The following CNTN6 variants were observed in gnomAD, a reference collection of about 807,000 sequenced individuals.
CNTN6 encodes the protein contactin 6.
A neutral mutation model predicts 122.8 loss-of-function variants in CNTN6; 137 were observed. That is an observed-to-expected ratio of 1.12 (90% CI 0.97 to 1.29). CNTN6 has a LOEUF of 1.29. Among genes scored for constraint, CNTN6 ranks in the 50% most tolerant of loss-of-function variants. CNTN6 has a pLI of 0.00. For missense variants in CNTN6, 1,634 were observed against 1,223.4 expected (o/e 1.34, Z -5.01); for synonymous variants, 570 against 426.0 (o/e 1.34, Z -4.16).
intron 8 of CNTN6, among the ~76,000 whole-genome samples, chr3:1,323,779 T>C (rs1701178516): frequency 6.6e-6 from 1 of 151,792 alleles, no homozygotes; most frequent in African/African-American, 2.4e-5. Flanking sequence ...CAAACCTGTA[T>C]GGTAGACCCA....
rs746452845 is a variant in CNTN6, at chr3:1,373,919, T to C, written c.1946-5T>C. The C allele has an allele frequency of 1.2e-6, 2 of 1,607,564 alleles. No homozygotes were observed. Among genetic ancestry groups the C allele is most frequent in the Non-Finnish European group, 1.7e-6 (2 of 1,176,138 alleles). On this transcript the variant is annotated splice_polypyrimidine_tract_variant and splice_region_variant and intron_variant, in intron 15 of 22. Transcript: ENST00000446702. ...CTAGGTGCCTTAGTGTCTCATTCTT[T>C]TTAGTTCCAGAAATTCTCAATGGTA...
At chr3:1,384,666 CTATATATATA>C (rs539955358) in intron 19 of CNTN6, among the ~76,000 whole-genome samples, 29 of 113,556 alleles carry the variant, frequency 2.6e-4, no homozygotes, top group Admixed American at 7.2e-4. Context: ...TTAATTTTGC[CTATATATATA>C]TATATATATA....
At chr3:1,385,830 C>CATCT in intron 20 of CNTN6, 33 bp downstream of exon 20, 1 of 1,552,784 alleles carries the variant, frequency 6.4e-7, no homozygotes, top group African/African-American at 1.4e-5. Flanking sequence ...AAACAAGATT[C>CATCT]ATCTGTGAAG....
chr3:1,317,738 C>T (rs62230962), intron 7 of CNTN6, among the ~76,000 whole-genome samples: 51,720 of 151,200 alleles, frequency 0.34, 9,414 homozygotes, highest in East Asian at 0.69. Flanking sequence ...TCTTCATCCC[C>T]GTGTTTGTCT....
rs531980062 is a variant in CNTN6, at chr3:1,168,170, A to T, written c.55+20107A>T. 2.6e-4 allele frequency among the ~76,000 whole-genome samples: 40 copies of T among 152,106 alleles called. No individual in the cohort carries two copies. In the South Asian group the frequency reaches 8.1e-3, roughly 31 times the overall value. ...TGATCTGCCCACCTCGGCCTCCCAAAGTGCTGGGACTACAGGCGTGACACA... is the reference window on the plus strand; with the variant it reads ...TGATCTGCCCACCTCGGCCTCCCAATGTGCTGGGACTACAGGCGTGACACA... On this transcript the variant is annotated intron_variant, in intron 2 of 22. Coordinates refer to ENST00000446702, the MANE Select transcript of CNTN6 (RefSeq NM_001289080.2).
intron 8 of CNTN6, among the ~76,000 whole-genome samples, chr3:1,325,490 A>G (rs1300691121): frequency 1.3e-5 from 2 of 151,860 alleles, no homozygotes; most frequent in African/African-American, 2.4e-5. Context: ...AACTTGACCT[A>G]TGTTCTAATA....
At chr3:1,096,792 T>C (rs2090550082) in intron 1 of CNTN6, among the ~76,000 whole-genome samples, 1 of 152,178 alleles carries the variant, frequency 6.6e-6, no homozygotes, top group Non-Finnish European at 1.5e-5. Flanking sequence ...GTCCATGATT[T>C]TTAGTATTTG....
At chr3:1,278,969 C>T (rs897678387) in intron 5 of CNTN6, among the ~76,000 whole-genome samples, 2 of 152,134 alleles carry the variant, frequency 1.3e-5, no homozygotes, top group Non-Finnish European at 2.9e-5. Flanking sequence ...ATAACTAATA[C>T]TTTAGTAAGT....
At chr3:1,328,946 G>A (rs1701900945) in intron 10 of CNTN6, among the ~76,000 whole-genome samples, 1 of 151,420 alleles carries the variant, frequency 6.6e-6, no homozygotes, top group African/African-American at 2.4e-5. Flanking sequence ...TAGTGATACA[G>A]CATTTCTGAT....
chr3:1,148,869 T>C (rs2092778912), intron 2 of CNTN6, among the ~76,000 whole-genome samples: 1 of 152,174 alleles, frequency 6.6e-6, no homozygotes, highest in African/African-American at 2.4e-5. Context: ...TGTGCTGCCA[T>C]GGCTGTGGTC....
intron 2 of CNTN6, among the ~76,000 whole-genome samples, chr3:1,161,979 A>G (rs2093145738): frequency 6.6e-6 from 1 of 152,198 alleles, no homozygotes; most frequent in South Asian, 2.1e-4. Context: ...ACATATTTGG[A>G]CTCAGTTAAA....
At chr3:1,357,416 A>G (rs891532149) in intron 12 of CNTN6, among the ~76,000 whole-genome samples, 9 of 151,854 alleles carry the variant, frequency 5.9e-5, no homozygotes, top group Non-Finnish European at 1.3e-4. Flanking sequence ...ATTCATTACT[A>G]TTTGTTAAAT....
intron 4 of CNTN6, among the ~76,000 whole-genome samples, chr3:1,272,331 G>T (rs1336352519): frequency 6.6e-6 from 1 of 152,174 alleles, no homozygotes; most frequent in Non-Finnish European, 1.5e-5. Context: ...AGTCATCTGT[G>T]AACCTCAATT....
rs1002734635 is a variant in CNTN6, at chr3:1,300,551, G to T, written c.761+2560G>T. 3.4e-3 allele frequency among the ~76,000 whole-genome samples: 296 copies of T among 87,952 alleles called. 5 individuals are homozygous for T. The highest frequency in any genetic ancestry group is 9.3e-3 in the African/African-American group (270 of 28,984). 57.7% of individuals were successfully genotyped at this position (87,952 alleles called of 152,430 possible). A position where few individuals can be genotyped will look rare whatever the true frequency, so the allele number is the denominator to read the frequency against. On this transcript the variant is annotated intron_variant, in intron 7 of 22. Transcript: ENST00000446702. ...ATAAAGAAAGAGAGAGAAAGAAAGA[G>T]AAAGAAAAAGAAAGAAAGAAAGAAA... is the stretch of plus-strand genomic sequence containing the variant.
intron 4 of CNTN6, among the ~76,000 whole-genome samples, chr3:1,273,301 G>T (rs1575508053): frequency 6.6e-6 from 1 of 152,186 alleles, no homozygotes; most frequent in Non-Finnish European, 1.5e-5. Context: ...CTCAGAGAAC[G>T]ATCTCATTCT....
At chr3:1,390,721 G>A (rs938144357) in intron 20 of CNTN6, among the ~76,000 whole-genome samples, 1 of 151,800 alleles carries the variant, frequency 6.6e-6, no homozygotes, top group Non-Finnish European at 1.5e-5. Flanking sequence ...TGATAAAGGG[G>A]ATATCACCAC....
intron 5 of CNTN6, among the ~76,000 whole-genome samples, chr3:1,281,823 G>T (rs1376404419): frequency 6.6e-6 from 1 of 152,164 alleles, no homozygotes; most frequent in African/African-American, 2.4e-5. Flanking sequence ...GAGTCTCACA[G>T]GGAGTTCGGC....
intron 20 of CNTN6, among the ~76,000 whole-genome samples, chr3:1,387,876 C>G (rs141554669): frequency 4.6e-5 from 7 of 152,292 alleles, no homozygotes; most frequent in Admixed American, 3.9e-4. Context: ...CGGCGCACCA[C>G]GAGATTATAT....
intron 1 of CNTN6, among the ~76,000 whole-genome samples, chr3:1,120,843 T>C (rs1377797509): frequency 6.6e-6 from 1 of 151,920 alleles, no homozygotes; most frequent in Non-Finnish European, 1.5e-5. Flanking sequence ...TCTGATGTCA[T>C]TTTTTGGAAA....
Sources: gnomAD v4.1 joint callset for allele counts (sites outside exome capture counted in the v4.1 genomes callset) on GRCh38, gnomAD v4.1.1 for gene constraint, MANE v1.5 for transcripts, NCBI Gene and HGNC (gene_info 2026-07-23, HGNC 2026-07-21) for gene names.